Variants in NR5A2 observed in about 807,000 individuals in gnomAD.
NR5A2 encodes CYP7A promoter-binding factor.
A neutral mutation model predicts 62.7 loss-of-function variants in NR5A2; 26 were observed. The ratio of observed to expected loss-of-function variants is 0.41; its 90% CI spans 0.30 to 0.58. The LOEUF is 0.58. Ranked by LOEUF, NR5A2 falls within the 20% of genes least tolerant of loss-of-function variation. The pLI, the probability that NR5A2 is intolerant of heterozygous loss-of-function variation, is 0.22. For synonymous variants in NR5A2, 246 were observed against 241.7 expected, an observed-to-expected ratio of 1.02 and a Z score of -0.16; for missense variants, 541 against 669.1, an observed-to-expected ratio of 0.81 and a Z score of 2.11.
intron 7 of NR5A2, among the ~76,000 whole-genome samples, chr1:200,149,640 G>A (rs1667895958): frequency 6.6e-6 from 1 of 152,172 alleles, no homozygotes; most frequent in East Asian, 1.9e-4. Flanking sequence ...TAGCACCTGA[G>A]GCCAATTGTA....
chr1:200,139,031 T>C (rs1207332736), intron 7 of NR5A2, among the ~76,000 whole-genome samples: 1 of 152,212 alleles, frequency 6.6e-6, no homozygotes, highest in Non-Finnish European at 1.5e-5. Flanking sequence ...GACTTTCCCG[T>C]TCATGAACAT....
chr1:200,059,279 C>T (rs1663077932), intron 5 of NR5A2, among the ~76,000 whole-genome samples: 1 of 152,126 alleles, frequency 6.6e-6, no homozygotes, highest in Admixed American at 6.5e-5. Flanking sequence ...ATGAGGCAGT[C>T]AGGTATGCAT....
At chr1:200,091,882 G>A (rs1278373897) in intron 5 of NR5A2, among the ~76,000 whole-genome samples, 1 of 152,138 alleles carries the variant, frequency 6.6e-6, no homozygotes, top group African/African-American at 2.4e-5. Flanking sequence ...TGTGGAGTGG[G>A]GAGCATTGGT....
At chr1:200,038,452 T>C (rs1661884466) in intron 1 of NR5A2, among the ~76,000 whole-genome samples, 1 of 152,222 alleles carries the variant, frequency 6.6e-6, no homozygotes, top group South Asian at 2.1e-4. Flanking sequence ...CGCCTCTCAT[T>C]GAGCTGACCC....
At position 200,156,687 on chromosome 1, in the gene NR5A2, G is replaced by A. The variant is rs1343335487; in HGVS notation, c.1379-17276G>A. ...GCTGGGATTACAGGTGTGAGCCACC[G>A]CACCTGGCCCATTCTGTTTTTTAGT... On this transcript the variant is annotated intron_variant, in intron 7 of 7. Coordinates refer to ENST00000367362, the MANE Select transcript of NR5A2 (RefSeq NM_205860.3). Among the ~76,000 whole-genome samples, 7 of 152,210 alleles carry A rather than the reference G, an allele frequency of 4.6e-5. No homozygotes were observed. The East Asian group carries it at 7.7e-4, about 17-fold the overall frequency.
At position 200,039,740 on chromosome 1, in the gene NR5A2, C is replaced by A. The variant is rs774942319; in HGVS notation, c.147C>A (p.Ala49=). Residue 49 remains alanine, a synonymous_variant, in exon 2 of 8, where the codon GCC becomes GCA. Coordinates refer to ENST00000367362, the MANE Select transcript of NR5A2 (RefSeq NM_205860.3). The surrounding 1 kb of genome is among the most constrained non-coding windows in gnomAD (Gnocchi z 5.1). ...LVMLPKVETE[A]LGLARSHGEQ... ...TGCTGCCCAAAGTGGAGACGGAAGC[C>A]CTGGGACTGGCTCGATCGCATGGGG... 3 of 1,611,416 alleles carry A rather than the reference C, an allele frequency of 1.9e-6. No homozygotes were observed. The highest frequency in any genetic ancestry group is 1.7e-5 in the Admixed American group (1 of 59,898).
intron 7 of NR5A2, 138 bp from the exon 8 acceptor site, chr1:200,173,825 T>TAAACCC: frequency 1.1e-6 from 1 of 875,292 alleles, no homozygotes; most frequent in Non-Finnish European, 1.6e-6. Context: ...TGAGTGGGGT[T>TAAACCC]TACTGAATAT....
intron 7 of NR5A2, among the ~76,000 whole-genome samples, chr1:200,122,042 T>A (rs1364531283): frequency 1.3e-5 from 2 of 152,202 alleles, no homozygotes; most frequent in Non-Finnish European, 2.9e-5. Flanking sequence ...AAAAGAGCAT[T>A]TTCATATTTT....
At chr1:200,072,856 A>G (rs1558121386) in intron 5 of NR5A2, among the ~76,000 whole-genome samples, 1 of 152,148 alleles carries the variant, frequency 6.6e-6, no homozygotes, top group South Asian at 2.1e-4. Flanking sequence ...CTTGTATTCC[A>G]TGGCATAGGA....
intron 5 of NR5A2, among the ~76,000 whole-genome samples, chr1:200,076,148 TG>T (rs1664026838): frequency 6.6e-6 from 1 of 152,212 alleles, no homozygotes; most frequent in Non-Finnish European, 1.5e-5. Flanking sequence ...CATGGTTTAA[TG>T]TGCTAACATA....
chr1:200,089,284 G>A (rs1248345956), intron 5 of NR5A2, among the ~76,000 whole-genome samples: 4 of 152,078 alleles, frequency 2.6e-5, no homozygotes, highest in African/African-American at 7.2e-5. Flanking sequence ...GCACCATCTC[G>A]GCTCACTGCA....
intron 7 of NR5A2, among the ~76,000 whole-genome samples, chr1:200,143,055 G>A (rs1667518018): frequency 6.6e-6 from 1 of 152,194 alleles, no homozygotes; most frequent in African/African-American, 2.4e-5. Flanking sequence ...ATGTGTGTGT[G>A]TGTGTGGTTT....
chr1:200,174,205 G>A lies in NR5A2; in HGVS notation c.1621G>A (p.Ala541Thr). The stretch of plus-strand genomic sequence containing the variant: ...CATTGAAATGTTGCATGCCAAAAGA[G>A]CATAAGTTACAACCCCTAGGAGCTC... Reference protein sequence around the residue: ...LLIEMLHAKRA With the variant: ...LLIEMLHAKRT Residue 541 changes from alanine to threonine, a missense_variant, in exon 8 of 8, where the codon GCA becomes ACA. Around this residue, in one of 3 missense-constraint regions of NR5A2, gnomAD observed 379 missense variants for 442.0 expected, o/e 0.86. Transcript: ENST00000367362. 1 of 1,585,382 alleles carries A rather than the reference G, an allele frequency of 6.3e-7. No homozygotes were observed. The highest frequency in any genetic ancestry group is 8.6e-7 in the Non-Finnish European group (1 of 1,164,078).
intron 5 of NR5A2, among the ~76,000 whole-genome samples, chr1:200,052,771 A>G (rs1046538632): frequency 3.3e-5 from 5 of 151,834 alleles, no homozygotes; most frequent in Middle Eastern, 3.2e-3. Flanking sequence ...CCTCCTGAGT[A>G]GCTGGGACTA....
Position 200,047,109 on chromosome 1 carries a change from A to G in NR5A2, c.464-1063A>G, listed in dbSNP as rs116461643. Reference sequence around the variant, plus strand: ...CAGCAAGTTCAATATGTCACAAGCTATCAGAGGTCTCTAGTTTCTGTCTAA... The same window carrying G: ...CAGCAAGTTCAATATGTCACAAGCTGTCAGAGGTCTCTAGTTTCTGTCTAA... On this transcript the variant is annotated intron_variant, in intron 4 of 7. Coordinates refer to ENST00000367362, the MANE Select transcript of NR5A2 (RefSeq NM_205860.3). Among the ~76,000 whole-genome samples the G allele has an allele frequency of 5.7e-3, 867 of 152,362 alleles. 12 individuals are homozygous for G. Among genetic ancestry groups the G allele is most frequent in the African/African-American group, 0.02 (840 of 41,584 alleles).
intron 5 of NR5A2, among the ~76,000 whole-genome samples, chr1:200,052,476 G>A (rs1274364222): frequency 6.6e-6 from 1 of 152,082 alleles, no homozygotes; most frequent in Non-Finnish European, 1.5e-5. Flanking sequence ...AGGAGCCATT[G>A]TGCCTGTTTT....
intron 5 of NR5A2, among the ~76,000 whole-genome samples, chr1:200,065,873 C>T (rs1311542025): frequency 2.0e-5 from 3 of 152,038 alleles, no homozygotes; most frequent in Non-Finnish European, 4.4e-5. Flanking sequence ...ATGCAAAAAT[C>T]CTGAGGTAGA....
chr1:200,132,425 C>T (rs764415215), intron 7 of NR5A2, among the ~76,000 whole-genome samples: 1 of 152,196 alleles, frequency 6.6e-6, no homozygotes, highest in Non-Finnish European at 1.5e-5. Context: ...GCGAAGAGTC[C>T]AAAACATGCC....
chr1:200,044,016 G>T, intron 3 of NR5A2, 124 bp downstream of exon 3: 1 of 636,790 alleles, frequency 1.6e-6, no homozygotes, highest in Non-Finnish European at 2.8e-6. Flanking sequence ...GAGGGAGAAA[G>T]AGAGAGTCTT....
Sources: gnomAD v4.1 joint callset for allele counts (sites outside exome capture counted in the v4.1 genomes callset) on GRCh38, gnomAD v4.1.1 for gene constraint, gnomAD v4.1.1 regional missense constraint, Gnocchi (gnomAD v3.1) non-coding constraint, MANE v1.5 for transcripts, NCBI Gene and HGNC (gene_info 2026-07-23, HGNC 2026-07-21) for gene names.